The following SPAG9 variants were observed in gnomAD, a reference collection of about 807,000 sequenced individuals.
SPAG9 encodes sperm associated antigen 9, also known as C-Jun-amino-terminal kinase-interacting protein 4.
SPAG9 carries 35 observed loss-of-function variants against 166.5 expected under a neutral mutation model. That is an observed-to-expected ratio of 0.21 (90% CI 0.16 to 0.28). The LOEUF (loss-of-function observed/expected upper bound fraction) is 0.28. Ranked by LOEUF, SPAG9 falls within the 10% of genes least tolerant of loss-of-function variation. The pLI is 1.00. For synonymous variants in SPAG9, 534 were observed against 565.5 expected (o/e 0.94, Z 0.79); for missense variants, 1,235 against 1,603.3 (o/e 0.77, Z 3.92).
intron 8 of SPAG9, 33 bp downstream of exon 8, chr17:51,020,126 G>T: frequency 1.5e-6 from 2 of 1,322,606 alleles, no homozygotes; most frequent in Non-Finnish European, 1.1e-6. Context: ...GGTGGGGGGC[G>T]CAGAATATGT....
At chr17:50,994,028 C>A in intron 18 of SPAG9, 93 bp from the exon 19 acceptor site, 1 of 1,151,092 alleles carries the variant, frequency 8.7e-7, no homozygotes, top group South Asian at 1.5e-5. Flanking sequence ...AATACTATTT[C>A]AAATTTATTT....
chr17:51,046,737 G>T (rs2047035169), intron 4 of SPAG9: 2 of 1,535,508 alleles, frequency 1.3e-6, no homozygotes, highest in Admixed American at 2.0e-5. Context: ...TTGTAGTGAG[G>T]ATCTGTCATT....
intron 28 of SPAG9, among the ~76,000 whole-genome samples, chr17:50,974,439 G>C (rs1429075384): frequency 3.3e-5 from 5 of 152,140 alleles, no homozygotes; most frequent in Admixed American, 3.3e-4. Flanking sequence ...CTTGATGATA[G>C]AAGCTTCTTT....
intron 1 of SPAG9, among the ~76,000 whole-genome samples, chr17:51,105,107 G>GATAAATAAATAAATAA (rs200736089): frequency 6.6e-6 from 1 of 151,294 alleles, no homozygotes; most frequent in South Asian, 2.1e-4. Flanking sequence ...AAAATAAATA[G>GATAAATAAATAAATAA]ATAAATAAAT....
rs777451362 is a variant in SPAG9, at chr17:50,987,250, G to A, written c.2814-13C>T. The A allele has an allele frequency of 2.5e-6, 4 of 1,596,008 alleles. No individual in the cohort carries two copies. The Admixed American group carries it at 5.3e-5, about 21-fold the overall frequency. On this transcript the variant is annotated splice_polypyrimidine_tract_variant and intron_variant, in intron 21 of 29. Coordinates refer to ENST00000262013, the MANE Select transcript of SPAG9 (RefSeq NM_001130528.3). The stretch of plus-strand genomic sequence containing the variant: ...ATCTGAGTCATTGCTGGAAAGGGAG[G>A]GCAAAAGGAAAGAAATCTGAGTATA...
chr17:51,084,629 G>T (rs1006630892), intron 1 of SPAG9, among the ~76,000 whole-genome samples: 1 of 152,062 alleles, frequency 6.6e-6, no homozygotes, highest in Non-Finnish European at 1.5e-5. Context: ...GGATGGTCTC[G>T]AACTCCTGAC....
intron 18 of SPAG9, among the ~76,000 whole-genome samples, chr17:50,994,806 C>G (rs928466723): frequency 6.6e-6 from 1 of 152,088 alleles, no homozygotes; most frequent in Admixed American, 6.5e-5. Flanking sequence ...GTTCCATTAG[C>G]TTGATCACTG....
At chr17:51,113,116 G>A (rs1391925090) in intron 1 of SPAG9, among the ~76,000 whole-genome samples, 1 of 152,086 alleles carries the variant, frequency 6.6e-6, no homozygotes, top group Non-Finnish European at 1.5e-5. Flanking sequence ...CACTTTGGGA[G>A]GCCGAGGCCG....
rs1339571117 is a variant in SPAG9, at chr17:50,993,718, T to C, written c.2398+46A>G. Reference sequence around the variant, plus strand: ...AGCTGCTACATCAGTGCCCAGCAGGTAGGTGGATGGAGGGGAGGGCAGAGA... The same window carrying C: ...AGCTGCTACATCAGTGCCCAGCAGGCAGGTGGATGGAGGGGAGGGCAGAGA... On this transcript the variant is annotated intron_variant, in intron 19 of 29. Transcript: ENST00000262013. 14 of 1,584,400 alleles carry C rather than the reference T, an allele frequency of 8.8e-6. 2 individuals are homozygous for C. In the South Asian group the frequency reaches 1.6e-4, roughly 18 times the overall value.
At chr17:51,100,017 T>C (rs2048764633) in intron 1 of SPAG9, among the ~76,000 whole-genome samples, 1 of 152,006 alleles carries the variant, frequency 6.6e-6, no homozygotes, top group African/African-American at 2.4e-5. Context: ...AGACAATCAC[T>C]TGAACCTGGG....
Position 51,031,712 on chromosome 17 carries a change from C to A in SPAG9, c.752G>T (p.Ser251Ile). 1 of 1,550,788 alleles carries A rather than the reference C, an allele frequency of 6.4e-7. No individual in the cohort carries two copies. Among genetic ancestry groups the A allele is most frequent in the Non-Finnish European group, 8.7e-7 (1 of 1,146,424 alleles). ...RSHTSLKVSN[S>I]PEPQKAVEQE... ...TTCTACAGCCTTCTGAGGTTCAGGA[C>A]TATTGCTGACCTAGGAAGAGGGAAG... The change falls in exon 6 of 30, where the codon AGT (serine) becomes ATT (isoleucine). Residue 251 changes from serine (S) to isoleucine (I), a missense_variant. Ser to Ile is a moderately radical substitution (Grantham distance 142). Transcript: ENST00000262013.
At position 51,120,375 on chromosome 17, in the gene SPAG9, C is replaced by T; in HGVS notation, c.282G>A (p.Ala94=). The change falls in exon 1 of 30, where the codon GCG becomes GCA. Residue 94 remains alanine (A), a synonymous_variant. Coordinates refer to ENST00000262013, the MANE Select transcript of SPAG9 (RefSeq NM_001130528.3). The surrounding 1 kb of genome is among the most constrained non-coding windows in gnomAD (Gnocchi z 4.7). ...QLITQYEREK[A]LRKHAEEKFI... ...TCACCTCCTCAGCGTGCTTGCGCAGCGCCTTCTCCCGCTCGTACTGGGTGA... is the reference window on the plus strand; with the variant it reads ...TCACCTCCTCAGCGTGCTTGCGCAGTGCCTTCTCCCGCTCGTACTGGGTGA... 1 of 1,601,510 alleles carries T rather than the reference C, an allele frequency of 6.2e-7. No homozygotes were observed.
chr17:51,018,061 G>T (rs1158733353), intron 8 of SPAG9, among the ~76,000 whole-genome samples: 1 of 152,064 alleles, frequency 6.6e-6, no homozygotes, highest in African/African-American at 2.4e-5. Context: ...ATGTATTTTG[G>T]ATAATCCTGA....
At chr17:51,013,363 G>A (rs994389146) in intron 9 of SPAG9, among the ~76,000 whole-genome samples, 16 of 152,210 alleles carry the variant, frequency 1.1e-4, no homozygotes, top group Non-Finnish European at 2.4e-4. Flanking sequence ...AGGAACTTCA[G>A]AGATCATCTA....
intron 5 of SPAG9, among the ~76,000 whole-genome samples, chr17:51,035,399 T>TA (rs1213340218): frequency 6.6e-6 from 1 of 152,238 alleles, no homozygotes; most frequent in East Asian, 1.9e-4. Flanking sequence ...AAAAGTTATT[T>TA]AAAACTGCGA....
At chr17:51,053,849 AAAAAAGTATATAT>A (rs1179697888) in intron 3 of SPAG9, among the ~76,000 whole-genome samples, 2 of 69,714 alleles carry the variant, frequency 2.9e-5, no homozygotes, top group African/African-American at 7.4e-5. Context: ...AAAAAAAAAA[AAAAAAGTATATAT>A]ATATATATAT....
intron 6 of SPAG9, among the ~76,000 whole-genome samples, chr17:51,028,440 T>A (rs62062968): frequency 0.014 from 2,201 of 152,316 alleles, 18 homozygotes; most frequent in South Asian, 0.026. Context: ...TATACCATTT[T>A]AAATTTTTCA....
intron 1 of SPAG9, among the ~76,000 whole-genome samples, chr17:51,118,950 C>T (rs541130760): frequency 2.0e-4 from 30 of 148,418 alleles, no homozygotes; most frequent in Non-Finnish European, 3.4e-4. Context: ...ACAAGAATCG[C>T]TTGAACCCGG....
At chr17:50,999,373 A>G (rs1053596201) in intron 14 of SPAG9, 2 of 931,994 alleles carry the variant, frequency 2.1e-6, no homozygotes, top group Non-Finnish European at 1.5e-6. Flanking sequence ...AAGTCTCTAA[A>G]TAATTCCCCA....
Sources: gnomAD v4.1 joint callset for allele counts (sites outside exome capture counted in the v4.1 genomes callset) on GRCh38, gnomAD v4.1.1 for gene constraint, Gnocchi (gnomAD v3.1) non-coding constraint, MANE v1.5 for transcripts, NCBI Gene and HGNC (gene_info 2026-07-23, HGNC 2026-07-21) for gene names.